The following LOC128462377 variants were observed in gnomAD, a reference collection of about 807,000 sequenced individuals.
At chr16:89,372,908 G>A in the LOC128462377 span, 1 of 152,240 alleles carries the variant, frequency 6.6e-6, no homozygotes, top group Non-Finnish European at 1.5e-5. Context: ...GCTCCCGGGT[G>A]ACCCAGTCCA....
the LOC128462377 span, among the ~76,000 whole-genome samples, chr16:89,334,297 C>G: frequency 1.3e-5 from 2 of 152,042 alleles, no homozygotes; most frequent in Non-Finnish European, 2.9e-5. Context: ...AGTCAACCCC[C>G]AGTGAGTGTA....
chr16:89,405,262 T>C, the LOC128462377 span, among the ~76,000 whole-genome samples: 1 of 152,166 alleles, frequency 6.6e-6, no homozygotes, highest in African/African-American at 2.4e-5. Flanking sequence ...TGGAACAAAA[T>C]GCCGTTACGT....
chr16:89,340,212 T>C, the LOC128462377 span, among the ~76,000 whole-genome samples: 2 of 152,244 alleles, frequency 1.3e-5, no homozygotes, highest in Non-Finnish European at 2.9e-5. Context: ...AATGTCACAC[T>C]GTATAGTCAT....
At chr16:89,365,811 G>A in the LOC128462377 span, among the ~76,000 whole-genome samples, 1 of 152,018 alleles carries the variant, frequency 6.6e-6, no homozygotes, top group Non-Finnish European at 1.5e-5. Flanking sequence ...CATCACCCAG[G>A]TGTTAAGCCC....
the LOC128462377 span, among the ~76,000 whole-genome samples, chr16:89,378,975 T>C: frequency 3.9e-5 from 6 of 152,364 alleles, no homozygotes; most frequent in African/African-American, 1.4e-4. Flanking sequence ...GTCAAGGTTC[T>C]GACGGCACAC....
chr16:89,367,364 C>CACCACTGCT, the LOC128462377 span, among the ~76,000 whole-genome samples: 3 of 152,244 alleles, frequency 2.0e-5, no homozygotes, highest in Non-Finnish European at 4.4e-5. Flanking sequence ...GCAGACCTCC[C>CACCACTGCT]ACCACTGCTT....
the LOC128462377 span, among the ~76,000 whole-genome samples, chr16:89,402,714 G>C: frequency 6.8e-6 from 1 of 147,792 alleles, no homozygotes; most frequent in Non-Finnish European, 1.5e-5. Flanking sequence ...GAGGTTAGGA[G>C]AGGGGGCAGG....
At chr16:89,320,635 C>A in the LOC128462377 span, among the ~76,000 whole-genome samples, 1 of 152,136 alleles carries the variant, frequency 6.6e-6, no homozygotes, top group Non-Finnish European at 1.5e-5. Context: ...GAGTCCCCCA[C>A]ACGAGCCACT....
At chr16:89,386,183 T>C in the LOC128462377 span, among the ~76,000 whole-genome samples, 1 of 152,194 alleles carries the variant, frequency 6.6e-6, no homozygotes, top group Non-Finnish European at 1.5e-5. Context: ...CATCTTTTAA[T>C]GTAAGTTTAA....
At chr16:89,344,896 T>C in the LOC128462377 span, among the ~76,000 whole-genome samples, 3 of 152,214 alleles carry the variant, frequency 2.0e-5, no homozygotes, top group Non-Finnish European at 4.4e-5. Flanking sequence ...TGTATTTTCC[T>C]TAGTTTCATT....
chr16:89,325,676 C>T, the LOC128462377 span, among the ~76,000 whole-genome samples: 8 of 152,166 alleles, frequency 5.3e-5, no homozygotes, highest in Non-Finnish European at 1.2e-4. Flanking sequence ...GCTGCGGAGG[C>T]GTTTGCTTTG....
chr16:89,394,917 A>G, the LOC128462377 span, among the ~76,000 whole-genome samples: 1 of 152,224 alleles, frequency 6.6e-6, no homozygotes, highest in Non-Finnish European at 1.5e-5. Flanking sequence ...TTTGCAGCCA[A>G]TTCAGAGGCG....
chr16:89,379,725 G>C, the LOC128462377 span, among the ~76,000 whole-genome samples: 2 of 152,236 alleles, frequency 1.3e-5, no homozygotes, highest in African/African-American at 2.4e-5. Flanking sequence ...ACGGATTTGC[G>C]AAGAACGTGT....
chr16:89,350,227 G>A, the LOC128462377 span, among the ~76,000 whole-genome samples: 1 of 152,182 alleles, frequency 6.6e-6, no homozygotes, highest in Admixed American at 6.5e-5. Context: ...ATTCAACGCT[G>A]GTGGGAACAC....
At chr16:89,410,727 G>A in the LOC128462377 span, among the ~76,000 whole-genome samples, 2 of 152,222 alleles carry the variant, frequency 1.3e-5, no homozygotes. Context: ...AGCTATGAAA[G>A]CATCCTTGGA....
chr16:89,378,910 G>C, the LOC128462377 span, among the ~76,000 whole-genome samples: 2 of 152,006 alleles, frequency 1.3e-5, no homozygotes, highest in Non-Finnish European at 2.9e-5. Context: ...CCTCTTCAGG[G>C]GTTGGTGGGT....
the LOC128462377 span, among the ~76,000 whole-genome samples, chr16:89,366,341 A>C: frequency 6.6e-6 from 1 of 152,070 alleles, no homozygotes; most frequent in Non-Finnish European, 1.5e-5. Flanking sequence ...CTGGGTATAT[A>C]CCCAGTAATG....
At chr16:89,391,417 G>C in the LOC128462377 span, among the ~76,000 whole-genome samples, 2 of 152,108 alleles carry the variant, frequency 1.3e-5, no homozygotes, top group East Asian at 3.9e-4. Context: ...ACAGTGTCCA[G>C]GCTGCACGGG....
the LOC128462377 span, among the ~76,000 whole-genome samples, chr16:89,359,843 A>T: frequency 6.6e-6 from 1 of 152,154 alleles, no homozygotes; most frequent in South Asian, 2.1e-4. Flanking sequence ...AAGCTACAAA[A>T]CCCTAAGAAC....
Sources: allele counts gnomAD v4.1 joint callset (sites outside exome capture counted in the v4.1 genomes callset), GRCh38; gene constraint gnomAD v4.1.1; transcripts MANE v1.5.